Variants in LMBRD1 observed in about 807,000 individuals in gnomAD.
LMBRD1 encodes LMBR1 domain containing 1, also known as lysosomal cobalamin transport escort protein LMBD1.
Under a neutral mutation model 74.8 loss-of-function variants are expected in LMBRD1, and 64 were observed. The observed-to-expected ratio is 0.86, with a 90% CI of 0.70 to 1.05. The LOEUF (loss-of-function observed/expected upper bound fraction) is 1.05, where lower values mean the gene tolerates loss of function less well. LMBRD1 is among the 50% of genes least tolerant of loss of function. The probability of loss-of-function intolerance (pLI) is 0.00; values close to 1 mark genes in which losing one functional copy is unlikely to be tolerated. For synonymous variants in LMBRD1, 204 were observed against 216.3 expected, an observed-to-expected ratio of 0.94 and a Z score of 0.50; for missense variants, 652 against 645.9, an observed-to-expected ratio of 1.01 and a Z score of -0.10.
chr6:69,738,096 G>A, intron 6 of LMBRD1, 81 bp from the exon 7 acceptor site: 2 of 1,040,206 alleles, frequency 1.9e-6, no homozygotes. Context: ...ATAGAAAGCT[G>A]AGCTGCTTAC....
intron 4 of LMBRD1, among the ~76,000 whole-genome samples, chr6:69,749,845 T>C (rs1230252101): frequency 6.8e-6 from 1 of 148,148 alleles, no homozygotes; most frequent in Non-Finnish European, 1.5e-5. Flanking sequence ...TATTTGTATA[T>C]ATACATACTC....
At chr6:69,765,323 T>C (rs1765456591) in intron 3 of LMBRD1, among the ~76,000 whole-genome samples, 1 of 152,186 alleles carries the variant, frequency 6.6e-6, no homozygotes, top group Non-Finnish European at 1.5e-5. Flanking sequence ...AAAAAAATCA[T>C]TTTTTGCATA....
At chr6:69,776,663 C>T (rs372425430) in intron 3 of LMBRD1, among the ~76,000 whole-genome samples, 1 of 152,202 alleles carries the variant, frequency 6.6e-6, no homozygotes, top group African/African-American at 2.4e-5. Flanking sequence ...CGCCTTATCC[C>T]TCAAACCTTT....
intron 2 of LMBRD1, among the ~76,000 whole-genome samples, chr6:69,789,957 T>C (rs1157850437): frequency 3.3e-5 from 5 of 152,258 alleles, no homozygotes; most frequent in African/African-American, 1.2e-4. Flanking sequence ...GAAACGGAGA[T>C]TAGGATCCTG....
chr6:69,760,865 G>C (rs761189858), intron 3 of LMBRD1, among the ~76,000 whole-genome samples: 1 of 152,128 alleles, frequency 6.6e-6, no homozygotes. Flanking sequence ...TACAGGCCAA[G>C]AGAGAGATAA....
At position 69,741,788 on chromosome 6, in the gene LMBRD1, C is replaced by G. The variant is rs372279393; in HGVS notation, c.562+1G>C. On this transcript the variant is annotated splice_donor_variant, in intron 6 of 15. Coordinates refer to ENST00000649934, the MANE Select transcript of LMBRD1 (RefSeq NM_018368.4). LOFTEE classifies it high-confidence loss of function. Reference sequence around the variant, plus strand: ...TGTTTTTTAAAAAAAACAATACTTACGACTACTTCCAAGTTCTTCAAATAG... The same window carrying G: ...TGTTTTTTAAAAAAAACAATACTTAGGACTACTTCCAAGTTCTTCAAATAG... 4.5e-6 allele frequency: 7 copies of G among 1,543,170 alleles called. No homozygotes were observed. Among genetic ancestry groups the G allele is most frequent in the South Asian group, 2.2e-5 (2 of 89,432 alleles).
intron 14 of LMBRD1, among the ~76,000 whole-genome samples, chr6:69,694,965 C>A (rs566407442): frequency 1.8e-4 from 28 of 152,258 alleles, no homozygotes; most frequent in African/African-American, 6.5e-4. Flanking sequence ...ATGTCCTGAG[C>A]TCATCCTTTA....
intron 3 of LMBRD1, among the ~76,000 whole-genome samples, chr6:69,753,231 A>G (rs1765200941): frequency 1.3e-5 from 2 of 152,236 alleles, no homozygotes; most frequent in South Asian, 4.1e-4. Context: ...AATAAGGAAC[A>G]TTTGAGACTT....
Position 69,780,086 on chromosome 6 carries a change from T to C in LMBRD1, c.307+408A>G, listed in dbSNP as rs142315928. 1.6e-3 allele frequency among the ~76,000 whole-genome samples: 244 copies of C among 151,718 alleles called. 1 individual carries two copies. Among genetic ancestry groups the C allele is most frequent in the Non-Finnish European group, 3.0e-3 (207 of 67,982 alleles). The stretch of plus-strand genomic sequence containing the variant: ...GTGTAGAAGATCATGGCACCCTGTA[T>C]TGGCATATTAAAAGGCTAGGTGGGA... On this transcript the variant is annotated intron_variant, in intron 3 of 15. Transcript: ENST00000649934.
chr6:69,765,828 T>A (rs1423259575), intron 3 of LMBRD1, among the ~76,000 whole-genome samples: 1 of 152,096 alleles, frequency 6.6e-6, no homozygotes, highest in African/African-American at 2.4e-5. Context: ...TGTAGAAATC[T>A]TATGCTTTTT....
intron 9 of LMBRD1, chr6:69,705,852 C>A (rs1482401655): frequency 9.0e-6 from 12 of 1,329,574 alleles, no homozygotes; most frequent in Non-Finnish European, 1.3e-5. Flanking sequence ...CTGAACCACA[C>A]TTCAACCGTA....
In LMBRD1 at chr6:69,701,923, C is replaced by A; in HGVS notation, c.946G>T (p.Ala316Ser). Residue 316 changes from alanine to serine, a missense_variant, in exon 10 of 16, where the codon GCA (alanine) becomes TCA (serine). Ala to Ser is a moderately conservative substitution (Grantham distance 99). Coordinates refer to ENST00000649934, the MANE Select transcript of LMBRD1 (RefSeq NM_018368.4). ...IVWGIFFILV[A>S]LLFVISLFLS... ...AAGAGAGAAATTACAAACAGCAATGCAACTAAGATGAAAAATATTCCCCAG... is the reference window on the plus strand; with the variant it reads ...AAGAGAGAAATTACAAACAGCAATGAAACTAAGATGAAAAATATTCCCCAG... 1 of 1,601,712 alleles carries A rather than the reference C, an allele frequency of 6.2e-7. No homozygotes were observed. The highest frequency in any genetic ancestry group is 8.5e-7 in the Non-Finnish European group (1 of 1,169,734).
chr6:69,727,592 C>A (rs1419802110), intron 7 of LMBRD1, among the ~76,000 whole-genome samples: 2 of 152,142 alleles, frequency 1.3e-5, no homozygotes, highest in African/African-American at 4.8e-5. Context: ...CTACTGGGTA[C>A]AACATTCACA....
chr6:69,750,615 A>G (rs1413672935), intron 4 of LMBRD1, among the ~76,000 whole-genome samples: 2 of 152,216 alleles, frequency 1.3e-5, no homozygotes, highest in East Asian at 3.9e-4. Flanking sequence ...ATTCTTTAGG[A>G]AAAAAACTAA....
At chr6:69,796,362 T>C (rs1766229879) in intron 1 of LMBRD1, among the ~76,000 whole-genome samples, 1 of 151,506 alleles carries the variant, frequency 6.6e-6, no homozygotes, top group African/African-American at 2.4e-5. Context: ...GTAGGGAAAA[T>C]GAGGGAAAAA....
In LMBRD1 at chr6:69,790,303, G is replaced by A. The variant is rs1335565501; in HGVS notation, c.239C>T (p.Thr80Ile). Residue 80 changes from threonine to isoleucine, a missense_variant, in exon 2 of 16, where the codon ACA becomes ATA. By Grantham distance (89) the Thr-to-Ile change is moderately conservative. Coordinates refer to ENST00000649934, the MANE Select transcript of LMBRD1 (RefSeq NM_018368.4). ...LVSYMKNQNG[T>I]FKDWANANVS... ...AAGTAAGATTATATTTACCTTAAAT[G>A]TACCATTTTGATTTTTCATGTAAGA... 6.2e-7 allele frequency: 1 copy of A among 1,604,890 alleles called. No individual in the cohort carries two copies. Among genetic ancestry groups the A allele is most frequent in the Non-Finnish European group, 8.5e-7 (1 of 1,171,856 alleles).
chr6:69,738,599 TACACAC>T (rs3217690), intron 6 of LMBRD1, among the ~76,000 whole-genome samples: 13,664 of 145,292 alleles, frequency 0.094, 1,632 homozygotes, highest in African/African-American at 0.28. Flanking sequence ...GGTTTAAAAA[TACACAC>T]ACACACACAC....
chr6:69,780,545 T>C lies in LMBRD1; in HGVS notation c.256A>G (p.Asn86Asp). 2 of 1,606,060 alleles carry C rather than the reference T, an allele frequency of 1.2e-6. No individual in the cohort carries two copies. The highest frequency in any genetic ancestry group is 1.7e-6 in the Non-Finnish European group (2 of 1,172,946). The change falls in exon 3 of 16, where the codon AAT becomes GAT. Residue 86 changes from asparagine to aspartate, a missense_variant. This residue lies in a region of LMBRD1 where 598 missense variants were observed against 581.8 expected (regional missense o/e 1.03). Transcript: ENST00000649934. ...NQNGTFKDWA[N>D]ANVSRQIEDT... ...TCAATCTGTCTGCTGACATTAGCAT[T>C]AGCCCAGTCCTAGGATAAAAGGAAA...
intron 9 of LMBRD1, among the ~76,000 whole-genome samples, chr6:69,708,945 A>G (rs1316073655): frequency 6.6e-6 from 1 of 152,178 alleles, no homozygotes; most frequent in Non-Finnish European, 1.5e-5. Context: ...TTTAAGAAAC[A>G]CTAAATGAGC....
Sources: gnomAD v4.1 joint callset for allele counts (sites outside exome capture counted in the v4.1 genomes callset) on GRCh38, gnomAD v4.1.1 for gene constraint, gnomAD v4.1.1 regional missense constraint, MANE v1.5 for transcripts, NCBI Gene and HGNC (gene_info 2026-07-23, HGNC 2026-07-21) for gene names.